RANBP2: variants seen among roughly 807,000 people sequenced by gnomAD.
The protein encoded by RANBP2 is RAN binding protein 2, also known as E3 SUMO-protein ligase RanBP2.
A neutral mutation model predicts 303.6 loss-of-function variants in RANBP2; 57 were observed. The observed-to-expected ratio is 0.19, with a 90% CI of 0.15 to 0.23. The LOEUF (loss-of-function observed/expected upper bound fraction) is 0.23, where lower values mean the gene tolerates loss of function less well. Among genes scored for constraint, RANBP2 ranks in the 10% least tolerant of loss-of-function variants. RANBP2 has a pLI of 1.00. For missense variants in RANBP2, 3,138 were observed against 3,780.8 expected (o/e 0.83, Z 4.46); for synonymous variants, 1,167 against 1,301.5 (o/e 0.90, Z 2.23).
At chr2:108,744,384 C>A (rs1450106184) in intron 7 of RANBP2, among the ~76,000 whole-genome samples, 2 of 149,340 alleles carry the variant, frequency 1.3e-5, no homozygotes, top group Non-Finnish European at 2.9e-5. Context: ...TGCAGCCTGG[C>A]GACAGAGCGA....
At chr2:109,552,827 C>T in the RANBP2 span, 3 of 372,850 alleles carry the variant, frequency 8.0e-6, no homozygotes, top group Non-Finnish European at 1.4e-5. Flanking sequence ...GTAGCTGCTG[C>T]AGCTTCCAGT....
chr2:109,115,654 T>C, the RANBP2 span, among the ~76,000 whole-genome samples: 31,914 of 152,144 alleles, frequency 0.21, 4,771 homozygotes, highest in East Asian at 0.64. Context: ...CTGTTATGTG[T>C]GAATTTGATC....
chr2:109,129,103 G>A, the RANBP2 span: 1 of 364,926 alleles, frequency 2.7e-6, no homozygotes, highest in Non-Finnish European at 5.3e-6. Flanking sequence ...CCAGCTGCGC[G>A]GAGGAGCGTG....
the RANBP2 span, among the ~76,000 whole-genome samples, chr2:109,285,042 C>T: frequency 6.6e-6 from 1 of 152,238 alleles, no homozygotes; most frequent in African/African-American, 2.4e-5. Flanking sequence ...GGGGCCTCTG[C>T]TCCATGGCCG....
At chr2:108,837,185 G>A in the RANBP2 span, among the ~76,000 whole-genome samples, 1 of 152,026 alleles carries the variant, frequency 6.6e-6, no homozygotes, top group Non-Finnish European at 1.5e-5. Context: ...TTTATATATA[G>A]CCTTTATTAT....
At chr2:108,972,300 C>T in the RANBP2 span, among the ~76,000 whole-genome samples, 1 of 152,378 alleles carries the variant, frequency 6.6e-6, no homozygotes, top group East Asian at 1.9e-4. Context: ...ATAGCCATGC[C>T]GGCCCAGTTC....
chr2:109,686,703 C>T, the RANBP2 span, among the ~76,000 whole-genome samples: 1 of 152,174 alleles, frequency 6.6e-6, no homozygotes, highest in African/African-American at 2.4e-5. Flanking sequence ...CCTCCACCTT[C>T]TGGGCTCAAG....
the RANBP2 span, among the ~76,000 whole-genome samples, chr2:109,211,834 G>A: frequency 2.2e-4 from 33 of 152,058 alleles, no homozygotes; most frequent in Non-Finnish European, 5.9e-5. Context: ...GGAGAGACAG[G>A]GTTTCCCCAT....
chr2:108,825,105 G>A, the RANBP2 span, among the ~76,000 whole-genome samples: 3 of 152,102 alleles, frequency 2.0e-5, no homozygotes, highest in Non-Finnish European at 4.4e-5. Context: ...AAATAAATTA[G>A]GAATGTGAGA....
chr2:108,945,547 A>G, the RANBP2 span, among the ~76,000 whole-genome samples: 1 of 152,204 alleles, frequency 6.6e-6, no homozygotes, highest in Admixed American at 6.5e-5. Flanking sequence ...GCTTGTTGGC[A>G]CTGTCTGCAT....
the RANBP2 span, among the ~76,000 whole-genome samples, chr2:109,324,969 C>T: frequency 5.7e-3 from 868 of 152,304 alleles, 9 homozygotes; most frequent in African/African-American, 0.02. Flanking sequence ...AATACAATCA[C>T]ACAGTTTTGG....
the RANBP2 span, among the ~76,000 whole-genome samples, chr2:108,839,770 C>T: frequency 4.6e-5 from 7 of 151,422 alleles, no homozygotes; most frequent in Non-Finnish European, 8.8e-5. Context: ...CTTGAAGATT[C>T]CTCAGGATTT....
chr2:109,011,063 G>C, the RANBP2 span, among the ~76,000 whole-genome samples: 9 of 152,158 alleles, frequency 5.9e-5, no homozygotes, highest in South Asian at 6.2e-4. Context: ...GGAAGTTCTG[G>C]GGGACTAGTC....
the RANBP2 span, chr2:108,911,069 A>G: frequency 6.2e-7 from 1 of 1,614,086 alleles, no homozygotes; most frequent in Non-Finnish European, 8.5e-7. Context: ...TTGGCCTGAG[A>G]GTTCTGTGGG....
chr2:109,614,291 G>A, the RANBP2 span: 5 of 612,394 alleles, frequency 8.2e-6, no homozygotes, highest in Non-Finnish European at 1.1e-5. Flanking sequence ...TGGCGTGGGC[G>A]CGGGGCGGGG....
chr2:108,981,741 T>G, the RANBP2 span, among the ~76,000 whole-genome samples: 4 of 152,248 alleles, frequency 2.6e-5, no homozygotes, highest in South Asian at 8.3e-4. Flanking sequence ...AACGAGCCCA[T>G]GGAAACGACA....
At chr2:109,084,256 G>A in the RANBP2 span, among the ~76,000 whole-genome samples, 5 of 152,194 alleles carry the variant, frequency 3.3e-5, no homozygotes, top group Admixed American at 2.0e-4. Flanking sequence ...TCAAGTTAAC[G>A]TCAACCAAAC....
the RANBP2 span, among the ~76,000 whole-genome samples, chr2:109,062,059 G>A: frequency 3.9e-5 from 6 of 152,286 alleles, no homozygotes; most frequent in East Asian, 1.2e-3. Context: ...GGGGAGGGAG[G>A]CAGAATGGCT....
the RANBP2 span, among the ~76,000 whole-genome samples, chr2:109,727,988 A>G: frequency 6.6e-6 from 1 of 152,158 alleles, no homozygotes; most frequent in Non-Finnish European, 1.5e-5. Context: ...TGTGCTCTGT[A>G]GACCAAGAGG....
Sources: gnomAD v4.1 joint callset for allele counts (sites outside exome capture counted in the v4.1 genomes callset) on GRCh38, gnomAD v4.1.1 for gene constraint, MANE v1.5 for transcripts, NCBI Gene and HGNC (gene_info 2026-07-23, HGNC 2026-07-21) for gene names.